DENND1B: variants seen among roughly 807,000 people sequenced by gnomAD.
DENND1B encodes DENN domain containing 1B.
Under a neutral mutation model 90.1 loss-of-function variants are expected in DENND1B, and 59 were observed. That is an observed-to-expected ratio of 0.65 (90% CI 0.53 to 0.81). DENND1B has a LOEUF of 0.81. Ranked by LOEUF, DENND1B falls within the 40% of genes least tolerant of loss-of-function variation. The probability of loss-of-function intolerance (pLI) is 0.00; values close to 1 mark genes in which losing one functional copy is unlikely to be tolerated. For missense variants in DENND1B, 862 were observed against 912.6 expected, an observed-to-expected ratio of 0.94 and a Z score of 0.71; for synonymous variants, 337 against 324.6, an observed-to-expected ratio of 1.04 and a Z score of -0.41.
intron 2 of DENND1B, among the ~76,000 whole-genome samples, chr1:197,748,716 A>G (rs1057194381): frequency 6.6e-6 from 1 of 152,198 alleles, no homozygotes; most frequent in Non-Finnish European, 1.5e-5. Flanking sequence ...TTCCAGAAAG[A>G]AACACAGCCC....
At chr1:197,762,157 T>C (rs1655135958) in intron 2 of DENND1B, among the ~76,000 whole-genome samples, 2 of 152,236 alleles carry the variant, frequency 1.3e-5, no homozygotes, top group South Asian at 2.1e-4. Flanking sequence ...AAAGAGGTAC[T>C]TGTCCTTAAA....
At chr1:197,574,293 A>C (rs1673448162) in intron 15 of DENND1B, among the ~76,000 whole-genome samples, 1 of 152,210 alleles carries the variant, frequency 6.6e-6, no homozygotes, top group Non-Finnish European at 1.5e-5. Flanking sequence ...CCTGTACACC[A>C]ATAACAGACA....
chr1:197,516,530 G>A (rs1160301736), intron 20 of DENND1B, among the ~76,000 whole-genome samples: 1 of 151,760 alleles, frequency 6.6e-6, no homozygotes, highest in Non-Finnish European at 1.5e-5. Context: ...GCAGCTGATG[G>A]TGTTCTGGTG....
intron 3 of DENND1B, among the ~76,000 whole-genome samples, chr1:197,692,777 C>T (rs78290672): frequency 0.015 from 2,267 of 151,750 alleles, 28 homozygotes; most frequent in Non-Finnish European, 0.022. Flanking sequence ...TTATATTTTT[C>T]AGTATGGATT....
intron 10 of DENND1B, among the ~76,000 whole-genome samples, chr1:197,627,193 C>T (rs548749662): frequency 9.7e-4 from 148 of 152,132 alleles, no homozygotes; most frequent in Middle Eastern, 6.8e-3. Flanking sequence ...CCAGCATCAT[C>T]CTGATACCAA....
chr1:197,771,750 C>A (rs897472369), intron 2 of DENND1B, among the ~76,000 whole-genome samples: 1 of 152,150 alleles, frequency 6.6e-6, no homozygotes, highest in African/African-American at 2.4e-5. Flanking sequence ...AATCAGTCTC[C>A]ACGAAACCCC....
At chr1:197,664,918 T>C (rs1649252697) in intron 5 of DENND1B, among the ~76,000 whole-genome samples, 1 of 152,144 alleles carries the variant, frequency 6.6e-6, no homozygotes, top group Non-Finnish European at 1.5e-5. Flanking sequence ...TATTTCATTT[T>C]GAACCCTTGG....
intron 20 of DENND1B, among the ~76,000 whole-genome samples, chr1:197,529,292 GTATATATGTGTATATATGTA>G (rs1669440756): frequency 7.2e-6 from 1 of 139,540 alleles, no homozygotes. Flanking sequence ...GTATATATAT[GTATATATGTGTATATATGTA>G]TATATATGTG....
intron 20 of DENND1B, among the ~76,000 whole-genome samples, chr1:197,527,319 T>TG (rs1029710082): frequency 6.7e-5 from 10 of 149,218 alleles, no homozygotes; most frequent in Non-Finnish European, 1.3e-4. Flanking sequence ...TTTGTTTTTG[T>TG]TTTTTTTCTG....
intron 13 of DENND1B, among the ~76,000 whole-genome samples, chr1:197,601,298 C>T (rs1676188412): frequency 6.6e-6 from 1 of 151,622 alleles, no homozygotes; most frequent in South Asian, 2.1e-4. Context: ...TACATTTATT[C>T]CTCCAGTTGA....
At chr1:197,575,970 T>C (rs890405227) in intron 15 of DENND1B, among the ~76,000 whole-genome samples, 2 of 152,022 alleles carry the variant, frequency 1.3e-5, no homozygotes, top group African/African-American at 4.8e-5. Context: ...TTAGGAGAAA[T>C]ACCTAATGTA....
At chr1:197,534,219 G>A (rs913096672) in intron 20 of DENND1B, among the ~76,000 whole-genome samples, 3 of 152,184 alleles carry the variant, frequency 2.0e-5, no homozygotes, top group African/African-American at 7.2e-5. Flanking sequence ...TAGCCTTACA[G>A]TAGGAAGAAA....
At chr1:197,745,035 AAG>A (rs1277204215) in intron 2 of DENND1B, among the ~76,000 whole-genome samples, 8 of 152,214 alleles carry the variant, frequency 5.3e-5, no homozygotes, top group African/African-American at 1.9e-4. Context: ...CACAAAATTG[AAG>A]AGAGTTAAGA....
upstream of DENND1B, among the ~76,000 whole-genome samples, chr1:197,777,787 A>G (rs1558511814): frequency 6.6e-6 from 1 of 152,144 alleles, no homozygotes; most frequent in African/African-American, 2.4e-5. Flanking sequence ...TTATTTATTA[A>G]TTAATTTCTT....
At chr1:197,583,084 T>G (rs1674384757) in intron 15 of DENND1B, 68 bp downstream of exon 15, 1 of 1,400,184 alleles carries the variant, frequency 7.1e-7, no homozygotes, top group African/African-American at 1.4e-5. Flanking sequence ...CATAGTTTTA[T>G]AGTAATACAA....
chr1:197,581,591 A>C (rs1280118942), intron 15 of DENND1B, among the ~76,000 whole-genome samples: 1 of 152,184 alleles, frequency 6.6e-6, no homozygotes, highest in Non-Finnish European at 1.5e-5. Flanking sequence ...TTAAAGAAAA[A>C]GAAATATGTA....
chr1:197,590,193 A>T lies in DENND1B; in HGVS notation c.1047+5015T>A, dbSNP rs996717674. ...TTTTAATATTTTATTTTTAATAATGACGACGTAAACAGCATTTACTACATG... is the reference window on the plus strand; with the variant it reads ...TTTTAATATTTTATTTTTAATAATGTCGACGTAAACAGCATTTACTACATG... On this transcript the variant is annotated intron_variant, in intron 14 of 22. Transcript: ENST00000620048. Among the ~76,000 whole-genome samples the T allele has an allele frequency of 3.3e-5, 5 of 152,278 alleles. No individual in the cohort carries two copies. In the South Asian group the frequency reaches 1.0e-3, roughly 32 times the overall value.
intron 3 of DENND1B, among the ~76,000 whole-genome samples, chr1:197,697,498 C>T (rs1658556958): frequency 1.3e-5 from 2 of 151,580 alleles, no homozygotes; most frequent in African/African-American, 4.8e-5. Context: ...AAAAAGAGGA[C>T]CAACTAAAGG....
chr1:197,553,154 G>T (rs776559876), intron 15 of DENND1B, 42 bp from the exon 16 acceptor site: 16 of 1,425,720 alleles, frequency 1.1e-5, no homozygotes, highest in Non-Finnish European at 1.5e-5. Context: ...CAAATAAAAT[G>T]TTATCCAATA....
Sources: allele counts gnomAD v4.1 joint callset (sites outside exome capture counted in the v4.1 genomes callset), GRCh38; gene constraint gnomAD v4.1.1; transcripts MANE v1.5; gene names NCBI Gene and HGNC (gene_info 2026-07-23, HGNC 2026-07-21).